The following NUMB variants were observed in gnomAD, a reference collection of about 807,000 sequenced individuals.
NUMB encodes the protein NUMB endocytic adaptor protein, also known as protein numb homolog.
In NUMB, 29 loss-of-function variants were observed where a neutral mutation model predicts 59.7. That is an observed-to-expected ratio of 0.49 (90% CI 0.36 to 0.66). The LOEUF (loss-of-function observed/expected upper bound fraction) is 0.66. NUMB is among the 30% of genes least tolerant of loss of function. NUMB has a pLI of 0.00. For missense variants in NUMB, 723 were observed against 822.0 expected, an observed-to-expected ratio of 0.88 and a Z score of 1.47; for synonymous variants, 288 against 288.2, an observed-to-expected ratio of 1.00 and a Z score of 0.01.
chr14:73,301,760 CCA>C (rs58499099), intron 6 of NUMB, among the ~76,000 whole-genome samples: 26,693 of 151,876 alleles, frequency 0.18, 3,215 homozygotes, highest in East Asian at 0.53. Flanking sequence ...GTGTAAATCA[CCA>C]CACACATCCC....
intron 1 of NUMB, among the ~76,000 whole-genome samples, chr14:73,416,699 G>A (rs925646249): frequency 6.6e-6 from 1 of 151,992 alleles, no homozygotes; most frequent in Admixed American, 6.6e-5. Flanking sequence ...AAATTAGCCA[G>A]GTGTGGTGGC....
chr14:73,435,616 C>T (rs952689314), intron 1 of NUMB, among the ~76,000 whole-genome samples: 2 of 151,986 alleles, frequency 1.3e-5, no homozygotes, highest in African/African-American at 2.4e-5. Flanking sequence ...CCCTGTGACA[C>T]AACAATTCTG....
At position 73,291,031 on chromosome 14, in the gene NUMB, T is replaced by C. The variant is rs544100676; in HGVS notation, c.450+1703A>G. Among the ~76,000 whole-genome samples the C allele has an allele frequency of 5.3e-5, 8 of 152,216 alleles. No individual in the cohort carries two copies. The South Asian group carries it at 1.2e-3, about 24-fold the overall frequency. ...ACAAAACTTCTATCATGCAACAATT[T>C]CTAGCGTTGTTCATTCTACCGTAAC... On this transcript the variant is annotated intron_variant, in intron 8 of 12. Coordinates refer to ENST00000555238, the MANE Select transcript of NUMB (RefSeq NM_001005743.2).
At chr14:73,295,153 T>TTCTTGCTC (rs113809273) in intron 7 of NUMB, among the ~76,000 whole-genome samples, 28 of 151,176 alleles carry the variant, frequency 1.9e-4, no homozygotes, top group African/African-American at 6.3e-4. Flanking sequence ...CTGACAGAGC[T>TTCTTGCTC]TCTTGCTCAA....
intron 3 of NUMB, among the ~76,000 whole-genome samples, chr14:73,363,463 C>T (rs8017988): frequency 0.033 from 4,976 of 152,178 alleles, 309 homozygotes; most frequent in African/African-American, 0.11. Context: ...ATACCATGCC[C>T]AGACAGTTGA....
At chr14:73,293,998 T>C (rs1054741593) in intron 7 of NUMB, among the ~76,000 whole-genome samples, 10 of 152,340 alleles carry the variant, frequency 6.6e-5, no homozygotes, top group South Asian at 2.1e-4. Flanking sequence ...TAGGTCTTTA[T>C]TGATTGTTAT....
intron 4 of NUMB, among the ~76,000 whole-genome samples, chr14:73,341,768 A>G (rs1474117009): frequency 1.3e-5 from 2 of 152,310 alleles, no homozygotes; most frequent in African/African-American, 4.8e-5. Context: ...TAAAGTTTAA[A>G]CTATATTCAA....
intron 2 of NUMB, among the ~76,000 whole-genome samples, chr14:73,370,214 G>T (rs1355681870): frequency 6.6e-6 from 1 of 152,094 alleles, no homozygotes; most frequent in Non-Finnish European, 1.5e-5. Flanking sequence ...ATATAAAAGG[G>T]TACAACTGTC....
In NUMB at chr14:73,301,623, T is replaced by C. The variant is rs555892910; in HGVS notation, c.235-4338A>G. ...CAGCTAATTTTTAAACAATTTTTTG[T>C]AGAGACAGGGTCTTGCCCTGCTGCC... On this transcript the variant is annotated intron_variant, in intron 6 of 12. Transcript: ENST00000555238. Among the ~76,000 whole-genome samples, 63 of 152,244 alleles carry C rather than the reference T, an allele frequency of 4.1e-4. 1 individual carries two copies. The South Asian group carries it at 7.5e-3, about 18-fold the overall frequency.
At chr14:73,372,999 G>C (rs540455481) in intron 2 of NUMB, among the ~76,000 whole-genome samples, 45 of 151,898 alleles carry the variant, frequency 3.0e-4, no homozygotes, top group African/African-American at 1.1e-3. Context: ...TTGATTTTTT[G>C]TTTTTCATAA....
At chr14:73,395,917 A>T (rs1450887779) in intron 2 of NUMB, among the ~76,000 whole-genome samples, 1 of 152,248 alleles carries the variant, frequency 6.6e-6, no homozygotes, top group Non-Finnish European at 1.5e-5. Context: ...GACACAGCTG[A>T]AAGAGAAATA....
At chr14:73,400,495 G>GC (rs577717839) in intron 2 of NUMB, among the ~76,000 whole-genome samples, 82 of 152,238 alleles carry the variant, frequency 5.4e-4, no homozygotes, top group Non-Finnish European at 9.4e-4. Context: ...TGGTCTTCTT[G>GC]CCCTTTCCTG....
chr14:73,342,845 G>A (rs1892706560), intron 4 of NUMB, among the ~76,000 whole-genome samples: 1 of 152,236 alleles, frequency 6.6e-6, no homozygotes, highest in Non-Finnish European at 1.5e-5. Flanking sequence ...GCTTAAAAGT[G>A]TATGCTTTGT....
intron 4 of NUMB, among the ~76,000 whole-genome samples, chr14:73,324,350 C>A (rs1226250881): frequency 6.6e-6 from 1 of 152,194 alleles, no homozygotes; most frequent in Non-Finnish European, 1.5e-5. Context: ...AAATGTCAAT[C>A]ATCTGGCCTT....
intron 4 of NUMB, among the ~76,000 whole-genome samples, chr14:73,354,589 G>A (rs1200662269): frequency 6.6e-6 from 1 of 151,256 alleles, no homozygotes; most frequent in South Asian, 2.1e-4. Context: ...CACTTTGGGG[G>A]CTGAGGCGGG....
intron 6 of NUMB, among the ~76,000 whole-genome samples, chr14:73,308,318 A>G (rs1890579041): frequency 6.6e-6 from 1 of 152,156 alleles, no homozygotes; most frequent in Non-Finnish European, 1.5e-5. Flanking sequence ...AGGGACAGAG[A>G]TGCTGTATAT....
Position 73,277,145 on chromosome 14 carries a change from C to T in NUMB, c.1389G>A (p.Leu463=), listed in dbSNP as rs1295252209. Residue 463 remains leucine (L), a synonymous_variant, in exon 13 of 13, where the codon CTG becomes CTA. Transcript: ENST00000555238. ...AQQPQASAAP[L]QPVLQPPPPT... is the part of the protein sequence containing the mutation. The stretch of plus-strand genomic sequence containing the variant: ...GTGGAGGAGGCTGGAGAACTGGCTG[C>T]AGAGGAGCAGCTGAGGCCTGGGGCT... The T allele has an allele frequency of 5.6e-6, 9 of 1,613,958 alleles. No individual in the cohort carries two copies. The highest frequency in any genetic ancestry group is 7.6e-6 in the Non-Finnish European group (9 of 1,179,988).
At position 73,390,638 on chromosome 14, in the gene NUMB, C is replaced by CTTTTT. The variant is rs55831976; in HGVS notation, c.-101+19294_-101+19298dup. ...ATTTCCTTGAGGACAAAAACAAAGTCTTTTTTTTTTTTTTTTTTTTTTTTT... is the reference window on the plus strand; with the variant it reads ...ATTTCCTTGAGGACAAAAACAAAGTCTTTTTTTTTTTTTTTTTTTTTTTTTTTTTT... On this transcript the variant is annotated intron_variant, in intron 2 of 12. Transcript: ENST00000555238. Among the ~76,000 whole-genome samples, 76 of 39,410 alleles carry CTTTTT rather than the reference C, an allele frequency of 1.9e-3. 9 individuals carry two copies. Among genetic ancestry groups the CTTTTT allele is most frequent in the East Asian group, 4.2e-3 (5 of 1,196 alleles). 25.9% of individuals were successfully genotyped at this position (39,410 alleles called of 152,430 possible). A position where few individuals can be genotyped will look rare whatever the true frequency, so the allele number is the denominator to read the frequency against.
At chr14:73,407,994 G>A (rs971677204) in intron 2 of NUMB, among the ~76,000 whole-genome samples, 6 of 152,156 alleles carry the variant, frequency 3.9e-5, no homozygotes, top group Middle Eastern at 3.2e-3. Context: ...TTGGGAGGCC[G>A]AGGCGGGCAG....
Sources: allele counts gnomAD v4.1 joint callset (sites outside exome capture counted in the v4.1 genomes callset), GRCh38; gene constraint gnomAD v4.1.1; transcripts MANE v1.5; gene names NCBI Gene and HGNC (gene_info 2026-07-23, HGNC 2026-07-21).